The following VTI1A variants were observed in gnomAD, a reference collection of about 807,000 sequenced individuals.
The protein encoded by VTI1A is vesicle transport through interaction with t-SNAREs homolog 1A.
A neutral mutation model predicts 34.9 loss-of-function variants in VTI1A; 22 were observed. That is an observed-to-expected ratio of 0.63 (90% CI 0.45 to 0.90). The LOEUF (loss-of-function observed/expected upper bound fraction) is 0.90. VTI1A is among the 40% of genes least tolerant of loss of function. The pLI is 0.00. For synonymous variants in VTI1A, 87 were observed against 97.3 expected, an observed-to-expected ratio of 0.89 and a Z score of 0.62; for missense variants, 268 against 275.6, an observed-to-expected ratio of 0.97 and a Z score of 0.20.
chr10:112,482,010 G>C (rs1326256695), intron 3 of VTI1A, among the ~76,000 whole-genome samples: 1 of 152,118 alleles, frequency 6.6e-6, no homozygotes, highest in African/African-American at 2.4e-5. Context: ...CGTAACTTAT[G>C]ATATCAGTTT....
At chr10:112,665,651 T>C (rs1847616429) in intron 5 of VTI1A, among the ~76,000 whole-genome samples, 2 of 152,178 alleles carry the variant, frequency 1.3e-5, no homozygotes, top group South Asian at 2.1e-4. Context: ...AGTAGCAGAC[T>C]GTAGGTCCAC....
intron 7 of VTI1A, among the ~76,000 whole-genome samples, chr10:112,799,472 A>C (rs1590195517): frequency 6.6e-6 from 1 of 152,336 alleles, no homozygotes; most frequent in Non-Finnish European, 1.5e-5. Flanking sequence ...AGCAGTCAGC[A>C]GCAGCCCCTC....
chr10:112,728,155 TAA>T (rs749131443), intron 7 of VTI1A, among the ~76,000 whole-genome samples: 31 of 151,776 alleles, frequency 2.0e-4, no homozygotes, highest in Admixed American at 1.6e-3. Context: ...AGTCCCTGCG[TAA>T]AGAGACAGGT....
In VTI1A at chr10:112,560,641, G is replaced by A. The variant is rs934427407; in HGVS notation, c.427+22311G>A. On this transcript the variant is annotated intron_variant, in intron 5 of 7. Transcript: ENST00000393077. ...GCGATGGAGTCTCACTCTGTCGCCA[G>A]TCTGGAGTGCAGTGGCATGATCTCG... Among the ~76,000 whole-genome samples, 3 of 146,282 alleles carry A rather than the reference G, an allele frequency of 2.1e-5. No homozygotes were observed. The East Asian group carries it at 6.0e-4, about 29-fold the overall frequency.
chr10:112,512,848 G>A (rs1313651762), intron 3 of VTI1A, among the ~76,000 whole-genome samples: 1 of 151,972 alleles, frequency 6.6e-6, no homozygotes. Flanking sequence ...AAGATCAGTT[G>A]GCTGTGAATA....
At chr10:112,755,175 G>C (rs1851238435) in intron 7 of VTI1A, among the ~76,000 whole-genome samples, 1 of 152,272 alleles carries the variant, frequency 6.6e-6, no homozygotes, top group Admixed American at 6.5e-5. Flanking sequence ...AGAATCATTG[G>C]AACTCAGGCG....
intron 7 of VTI1A, among the ~76,000 whole-genome samples, chr10:112,711,569 T>C (rs1266166512): frequency 6.6e-6 from 1 of 152,190 alleles, no homozygotes; most frequent in Non-Finnish European, 1.5e-5. Flanking sequence ...TCCCTGACCA[T>C]ACAGTGAGTC....
chr10:112,620,591 G>C (rs1329926597), intron 5 of VTI1A, among the ~76,000 whole-genome samples: 1 of 152,078 alleles, frequency 6.6e-6, no homozygotes, highest in Non-Finnish European at 1.5e-5. Context: ...AGGAGTTCGA[G>C]ACCAGCCTGA....
chr10:112,750,643 A>G (rs148930065), intron 7 of VTI1A, among the ~76,000 whole-genome samples: 1 of 152,314 alleles, frequency 6.6e-6, no homozygotes, highest in African/African-American at 2.4e-5. Flanking sequence ...CTACAGCCCA[A>G]ACTACGAGTT....
rs565522559 is a variant in VTI1A at position 112,763,561 on chromosome 10, G to A, written c.561-51729G>A. 4.6e-5 allele frequency among the ~76,000 whole-genome samples: 7 copies of A among 152,182 alleles called. No homozygotes were observed. In the South Asian group the frequency reaches 1.0e-3, roughly 23 times the overall value. ...TTGAGTTCTTGCTTCTTTTCTGCCC[G>A]TTTATACTAAGAGCATGTTGCCCTG... On this transcript the variant is annotated intron_variant, in intron 7 of 7. Coordinates refer to ENST00000393077, the MANE Select transcript of VTI1A (RefSeq NM_145206.4).
At chr10:112,739,573 G>A (rs1024440283) in intron 7 of VTI1A, among the ~76,000 whole-genome samples, 1 of 152,172 alleles carries the variant, frequency 6.6e-6, no homozygotes, top group Non-Finnish European at 1.5e-5. Context: ...AATAACAAGC[G>A]ATGTCTTGTA....
chr10:112,557,598 G>A (rs116999247), intron 5 of VTI1A, among the ~76,000 whole-genome samples: 3,645 of 152,236 alleles, frequency 0.024, 73 homozygotes, highest in East Asian at 0.083. Context: ...TTTGAAAACA[G>A]CATTACTGAA....
intron 7 of VTI1A, among the ~76,000 whole-genome samples, chr10:112,812,843 G>A (rs913572244): frequency 6.6e-6 from 1 of 152,158 alleles, no homozygotes; most frequent in Non-Finnish European, 1.5e-5. Context: ...GTGCTGAGAA[G>A]GCGTGATGGT....
chr10:112,787,842 C>T (rs1387696502), intron 7 of VTI1A, among the ~76,000 whole-genome samples: 1 of 150,896 alleles, frequency 6.6e-6, no homozygotes, highest in Non-Finnish European at 1.5e-5. Flanking sequence ...GCTGGGATTA[C>T]AGTCACATGA....
At chr10:112,614,376 G>C (rs973272341) in intron 5 of VTI1A, among the ~76,000 whole-genome samples, 12 of 152,164 alleles carry the variant, frequency 7.9e-5, no homozygotes, top group Admixed American at 3.9e-4. Context: ...CTACACTTGA[G>C]GGGGAGAAAG....
chr10:112,482,271 T>C (rs182318442), intron 3 of VTI1A, among the ~76,000 whole-genome samples: 2 of 152,290 alleles, frequency 1.3e-5, no homozygotes, highest in Non-Finnish European at 2.9e-5. Context: ...ATCAGAGAGG[T>C]TGTCCTTATG....
intron 3 of VTI1A, among the ~76,000 whole-genome samples, chr10:112,520,617 CTA>C (rs967446443): frequency 1.5e-4 from 20 of 132,172 alleles, no homozygotes; most frequent in Admixed American, 7.8e-4. Flanking sequence ...TTTTTAGTCT[CTA>C]TATGTGTGTG....
chr10:112,538,901 T>C (rs1850757726), intron 5 of VTI1A, among the ~76,000 whole-genome samples: 1 of 152,212 alleles, frequency 6.6e-6, no homozygotes. Flanking sequence ...GATAATCTTA[T>C]TAGCATTAGT....
intron 7 of VTI1A, chr10:112,677,700 C>A (rs560863373): frequency 3.3e-5 from 5 of 152,360 alleles, no homozygotes; most frequent in African/African-American, 1.2e-4. Context: ...GCTAAAGCAG[C>A]CTTAGTCAAT....
Sources: allele counts gnomAD v4.1 joint callset (sites outside exome capture counted in the v4.1 genomes callset), GRCh38; gene constraint gnomAD v4.1.1; transcripts MANE v1.5; gene names NCBI Gene and HGNC (gene_info 2026-07-23, HGNC 2026-07-21).